Variants in PYROXD2 observed in about 807,000 individuals in gnomAD.
PYROXD2 encodes the protein pyridine nucleotide-disulphide oxidoreductase domain 2.
In PYROXD2, 69 loss-of-function variants were observed where a neutral mutation model predicts 71.1. The ratio of observed to expected loss-of-function variants is 0.97; its 90% CI spans 0.80 to 1.19. The LOEUF (loss-of-function observed/expected upper bound fraction) is 1.19, where lower values mean the gene tolerates loss of function less well. Among genes scored for constraint, PYROXD2 ranks in the 50% most tolerant of loss-of-function variants. The pLI, the probability that PYROXD2 is intolerant of heterozygous loss-of-function variation, is 0.00. For synonymous variants in PYROXD2, 287 were observed against 302.7 expected, an observed-to-expected ratio of 0.95 and a Z score of 0.54; for missense variants, 745 against 748.9, an observed-to-expected ratio of 0.99 and a Z score of 0.06.
chr10:98,387,142 C>T (rs1430479376), intron 14 of PYROXD2, 59 bp downstream of exon 14: 4 of 1,308,336 alleles, frequency 3.1e-6, no homozygotes, highest in Non-Finnish European at 4.4e-6. Context: ...AGGTCATAGC[C>T]AGGAAGTGAG....
chr10:98,409,135 A>T lies in PYROXD2; in HGVS notation c.148-1138T>A, dbSNP rs535487558. On this transcript the variant is annotated intron_variant, in intron 2 of 15. Coordinates refer to ENST00000370575, the MANE Select transcript of PYROXD2 (RefSeq NM_032709.3). ...TCCTATTACACAGGAACGATCTCAC[A>T]GATTGACAACCTCAAATAAGGTTTC... Among the ~76,000 whole-genome samples, 8 of 152,370 alleles carry T rather than the reference A, an allele frequency of 5.3e-5. No individual in the cohort carries two copies. The South Asian group carries it at 1.7e-3, about 32-fold the overall frequency.
chr10:98,404,239 A>G (rs1843518157), intron 4 of PYROXD2, among the ~76,000 whole-genome samples: 1 of 152,240 alleles, frequency 6.6e-6, no homozygotes, highest in African/African-American at 2.4e-5. Flanking sequence ...CAAATAAGGC[A>G]AACACTGAGC....
At chr10:98,399,835 G>A (rs1187544008) in intron 5 of PYROXD2, among the ~76,000 whole-genome samples, 4 of 152,218 alleles carry the variant, frequency 2.6e-5, no homozygotes, top group African/African-American at 9.6e-5. Flanking sequence ...GAACTCAGCA[G>A]GCACAGCCCC....
intron 8 of PYROXD2, among the ~76,000 whole-genome samples, chr10:98,394,547 C>A (rs1843083374): frequency 7.8e-6 from 1 of 128,602 alleles, no homozygotes; most frequent in Middle Eastern, 4.0e-3. Flanking sequence ...CATCCCAACA[C>A]ACACACACAC....
At chr10:98,395,107 GCTGTTGTTGCTGC>G in intron 8 of PYROXD2, 76 bp downstream of exon 8, 3 of 1,104,938 alleles carry the variant, frequency 2.7e-6, no homozygotes, top group Non-Finnish European at 4.2e-6. Context: ...TTAAGTGGCA[GCTGTTGTTGCTGC>G]CACTGCCACT....
At chr10:98,392,855 G>T in intron 9 of PYROXD2, 87 bp downstream of exon 9, 1 of 1,461,676 alleles carries the variant, frequency 6.8e-7, no homozygotes, top group Non-Finnish European at 9.5e-7. Flanking sequence ...CTGTTCATTG[G>T]TAAAACAAGG....
rs1230338641 is a variant in PYROXD2, at chr10:98,383,769, C to G, written c.*29G>C. 1 of 1,606,606 alleles carries G rather than the reference C, an allele frequency of 6.2e-7. No individual in the cohort carries two copies. Among genetic ancestry groups the G allele is most frequent in the Non-Finnish European group, 8.5e-7 (1 of 1,173,172 alleles). Reference sequence around the variant, plus strand: ...AGCACTTGGAATTCAGGGGTGGAGTCTTCTTCCTGGGTCAGAGCTGGTTCA... The same window carrying G: ...AGCACTTGGAATTCAGGGGTGGAGTGTTCTTCCTGGGTCAGAGCTGGTTCA... On this transcript the variant is annotated 3_prime_UTR_variant, in exon 16 of 16. Coordinates refer to ENST00000370575, the MANE Select transcript of PYROXD2 (RefSeq NM_032709.3).
At chr10:98,385,511 C>T (rs528820162) in intron 14 of PYROXD2, among the ~76,000 whole-genome samples, 20 of 152,356 alleles carry the variant, frequency 1.3e-4, no homozygotes, top group Admixed American at 6.5e-4. Flanking sequence ...CAACGGAGCC[C>T]GAGCACGGTT....
At chr10:98,392,281 G>A in intron 10 of PYROXD2, 151 bp downstream of exon 10, 1 of 1,291,144 alleles carries the variant, frequency 7.7e-7, no homozygotes, top group East Asian at 2.5e-5. Flanking sequence ...TTCCCCGTTT[G>A]CTACCTGCCC....
chr10:98,398,484 T>C (rs1843276318), intron 5 of PYROXD2, among the ~76,000 whole-genome samples: 1 of 152,208 alleles, frequency 6.6e-6, no homozygotes, highest in South Asian at 2.1e-4. Flanking sequence ...GATATACCCA[T>C]GGCATTTTAA....
At chr10:98,384,771 G>A (rs73331765) in intron 15 of PYROXD2, among the ~76,000 whole-genome samples, 176 bp downstream of exon 15, 7,936 of 152,272 alleles carry the variant, frequency 0.052, 237 homozygotes, top group East Asian at 0.12. Flanking sequence ...TGGAGGCAGC[G>A]GCTGTGTGCT....
At position 98,387,201 on chromosome 10, in the gene PYROXD2, C is replaced by T. The variant is rs1281141648; in HGVS notation, c.1554G>A (p.Gly518=). Residue 518 remains glycine, a splice_region_variant and synonymous_variant, in exon 14 of 16, where the codon GGG becomes GGA. Coordinates refer to ENST00000370575, the MANE Select transcript of PYROXD2 (RefSeq NM_032709.3). ...AGAGACCCCCTAGGCTTATACATAC[C>T]CCTCCAGGAAGCCCGAAGATTCTCT... The part of the protein sequence containing the change: ...DLERIFGLPG[G]NIFHCAMSLD... 2.5e-6 allele frequency: 4 copies of T among 1,612,526 alleles called. No individual in the cohort carries two copies. The highest frequency in any genetic ancestry group is 2.5e-6 in the Non-Finnish European group (3 of 1,178,770).
intron 12 of PYROXD2, among the ~76,000 whole-genome samples, chr10:98,390,329 T>C (rs1842904222): frequency 6.6e-6 from 1 of 152,194 alleles, no homozygotes; most frequent in South Asian, 2.1e-4. Context: ...TCTCCTCTTC[T>C]TCCCCAGCCC....
chr10:98,389,967 T>C (rs1842892148), intron 12 of PYROXD2, among the ~76,000 whole-genome samples: 1 of 152,220 alleles, frequency 6.6e-6, no homozygotes, highest in Non-Finnish European at 1.5e-5. Flanking sequence ...CTTTACCACA[T>C]GCTATAAATA....
chr10:98,391,432 T>A (rs10883084), intron 10 of PYROXD2, among the ~76,000 whole-genome samples: 1 of 151,972 alleles, frequency 6.6e-6, no homozygotes, highest in Non-Finnish European at 1.5e-5. Flanking sequence ...TTTTTACTGA[T>A]GTTTGTTGAA....
At chr10:98,389,441 G>A (rs147948217) in intron 12 of PYROXD2, among the ~76,000 whole-genome samples, 6 of 152,226 alleles carry the variant, frequency 3.9e-5, no homozygotes, top group Non-Finnish European at 7.4e-5. Flanking sequence ...CAGTGTCCAG[G>A]TTGGTCTTTT....
chr10:98,400,003 T>C (rs1271330790), intron 5 of PYROXD2, 99 bp downstream of exon 5: 1 of 1,432,802 alleles, frequency 7.0e-7, no homozygotes, highest in African/African-American at 1.4e-5. Context: ...CCTGGCGCAG[T>C]GTCCATGGCC....
At chr10:98,393,833 C>A (rs1004734639) in intron 8 of PYROXD2, among the ~76,000 whole-genome samples, 1 of 152,140 alleles carries the variant, frequency 6.6e-6, no homozygotes, top group Non-Finnish European at 1.5e-5. Context: ...CCAGCCTCAT[C>A]CCTCATCCTG....
chr10:98,402,282 T>C (rs1414787601), intron 4 of PYROXD2, among the ~76,000 whole-genome samples: 1 of 152,222 alleles, frequency 6.6e-6, no homozygotes, highest in Non-Finnish European at 1.5e-5. Flanking sequence ...GAGGTAGGTC[T>C]GGGTTTCAAA....
Sources: allele counts gnomAD v4.1 joint callset (sites outside exome capture counted in the v4.1 genomes callset), GRCh38; gene constraint gnomAD v4.1.1; transcripts MANE v1.5; gene names NCBI Gene and HGNC (gene_info 2026-07-23, HGNC 2026-07-21).